LTK: variants seen among roughly 807,000 people sequenced by gnomAD.
The protein encoded by LTK is leukocyte receptor tyrosine kinase.
LTK carries 117 observed loss-of-function variants against 101.5 expected under a neutral mutation model. The observed-to-expected ratio is 1.15, with a 90% CI of 0.99 to 1.34. The LOEUF is 1.34. Ranked by LOEUF, LTK falls within the 40% of genes most tolerant of loss-of-function variation. LTK has a pLI of 0.00. For synonymous variants in LTK, 563 were observed against 494.2 expected, an observed-to-expected ratio of 1.14 and a Z score of -1.85; for missense variants, 1,252 against 1,164.7, an observed-to-expected ratio of 1.07 and a Z score of -1.09.
chr15:41,505,572 C>T (rs761058640), intron 13 of LTK, 42 bp from the exon 14 acceptor site: 86 of 1,611,616 alleles, frequency 5.3e-5, no homozygotes, highest in East Asian at 3.8e-4. Context: ...AGGAGGGAGA[C>T]GGAAACCATG....
rs545313639 is a variant in LTK at position 41,513,695 on chromosome 15, T to A, written c.15A>T (p.Gly5=). 1 of 1,612,772 alleles carries A rather than the reference T, an allele frequency of 6.2e-7. No homozygotes were observed. The highest frequency in any genetic ancestry group is 1.1e-5 in the South Asian group (1 of 91,032). Residue 5 remains glycine (G), a synonymous_variant, in exon 1 of 20, where the codon GGA becomes GGT. Coordinates refer to ENST00000263800, the MANE Select transcript of LTK (RefSeq NM_002344.6). ...CGGCTCCGAACCACACCAGCAGCTG[T>A]CCCCAGCAGCCCATCCCTGTTGGGT... MGCW[G]QLLVWFGAAG... is the part of the protein sequence containing the mutation.
At position 41,507,298 on chromosome 15, in the gene LTK, T is replaced by G. The variant is rs1595461779; in HGVS notation, c.1346-8A>C. 2 of 1,589,132 alleles carry G rather than the reference T, an allele frequency of 1.3e-6. No individual in the cohort carries two copies. The highest frequency in any genetic ancestry group is 1.7e-6 in the Non-Finnish European group (2 of 1,167,960). ...GCCACTTCTTCTGCTTCACTGGGGG[T>G]GGGAAGAATAACGGCACACCCTCCA... is the stretch of plus-strand genomic sequence containing the variant. On this transcript the variant is annotated splice_polypyrimidine_tract_variant and splice_region_variant and intron_variant, in intron 10 of 19. Transcript: ENST00000263800.
At chr15:41,509,198 G>A (rs746940209) in intron 7 of LTK, 69 bp from the exon 8 acceptor site, 81 of 941,494 alleles carry the variant, frequency 8.6e-5, no homozygotes, top group Non-Finnish European at 1.3e-4. Context: ...GGAATCTCCC[G>A]GTGGAAATCC....
chr15:41,513,625 G>A, intron 1 of LTK, 42 bp downstream of exon 1: 1 of 1,597,622 alleles, frequency 6.3e-7, no homozygotes, highest in Non-Finnish European at 8.6e-7. Context: ...CTAGGAAAGT[G>A]CCTCAGGCTG....
chr15:41,512,620 GTCGGTGCGCACGTGGACT>G, intron 3 of LTK, 69 bp downstream of exon 3: 1 of 1,412,578 alleles, frequency 7.1e-7, no homozygotes, highest in East Asian at 2.5e-5. Context: ...CAAGACGCAA[GTCGGTGCGCACGTGGACT>G]TCGTTACCCT....
At position 41,504,608 on chromosome 15, in the gene LTK, G is replaced by A. The variant is rs145702407; in HGVS notation, c.2153C>T (p.Ser718Leu). The A allele has an allele frequency of 1.9e-5, 31 of 1,613,628 alleles. No homozygotes were observed. The Admixed American group carries it at 2.8e-4, about 15-fold the overall frequency. ...SFGVLLWEIF[S>L]LGYMPYPGRT... ...CCCAGGATAGGGCATGTAGCCCAGT[G>A]AGAAGATCTCCCAGAGCAGCACCCC... The change falls in exon 18 of 20, where the codon TCA becomes TTA. Residue 718 changes from serine to leucine, a missense_variant. By Grantham distance (145) the Ser-to-Leu change is moderately radical (BLOSUM62 -2). Transcript: ENST00000263800.
In LTK at chr15:41,506,022, TGGAA is replaced by T. The variant is rs763128338; in HGVS notation, c.1542-21_1542-18del. 1 of 1,574,526 alleles carries T rather than the reference TGGAA, an allele frequency of 6.4e-7. No homozygotes were observed. Among genetic ancestry groups the T allele is most frequent in the Non-Finnish European group, 8.7e-7 (1 of 1,144,332 alleles). On this transcript the variant is annotated intron_variant, in intron 11 of 19. Transcript: ENST00000263800. ...CCCAGGGCTCTGCAGGAAGACACGTTGGAAGGGAGTGGGCAGGCGGCCTGGAGAA... is the reference window on the plus strand; with the variant it reads ...CCCAGGGCTCTGCAGGAAGACACGTTGGGAGTGGGCAGGCGGCCTGGAGAA...
In LTK at chr15:41,513,685, C is replaced by A; in HGVS notation, c.25G>T (p.Val9Leu). The A allele has an allele frequency of 1.7e-5, 28 of 1,612,790 alleles. No individual in the cohort carries two copies. The highest frequency in any genetic ancestry group is 2.4e-5 in the Non-Finnish European group (28 of 1,179,542). The change falls in exon 1 of 20, where the codon GTG (valine) becomes TTG (leucine). Residue 9 changes from valine to leucine, a missense_variant. Val to Leu is a conservative substitution (Grantham distance 32). Coordinates refer to ENST00000263800, the MANE Select transcript of LTK (RefSeq NM_002344.6). Reference protein sequence around the residue: MGCWGQLLVWFGAAGAILC... With the variant: MGCWGQLLLWFGAAGAILC... The stretch of plus-strand genomic sequence containing the variant: ...CACTTACCCGCGGCTCCGAACCACA[C>A]CAGCAGCTGTCCCCAGCAGCCCATC...
intron 12 of LTK, 29 bp from the exon 13 acceptor site, chr15:41,505,806 G>A (rs748489876): frequency 6.2e-7 from 1 of 1,612,102 alleles, no homozygotes. Flanking sequence ...CAGTTTCTGA[G>A]CTGCCCTGCA....
intron 3 of LTK, 90 bp from the exon 4 acceptor site, chr15:41,512,355 A>AT (rs1184259692): frequency 7.9e-7 from 1 of 1,267,770 alleles, no homozygotes; most frequent in African/African-American, 1.5e-5. Context: ...CTCCAGAATT[A>AT]TTTTTTATCT....
In LTK at chr15:41,505,382, G is replaced by T. The variant is rs764924618; in HGVS notation, c.1827+19C>A. On this transcript the variant is annotated intron_variant, in intron 14 of 19. Transcript: ENST00000263800. Reference sequence around the variant, plus strand: ...AGGGTCTTTAGAGGGGCCTGGGGGGGCTAAGACAAGGGTCTCACCAGGTGT... The same window carrying T: ...AGGGTCTTTAGAGGGGCCTGGGGGGTCTAAGACAAGGGTCTCACCAGGTGT... The T allele has an allele frequency of 6.2e-7, 1 of 1,613,610 alleles. No homozygotes were observed. Among genetic ancestry groups the T allele is most frequent in the Non-Finnish European group, 8.5e-7 (1 of 1,179,858 alleles).
chr15:41,506,019 CG>C lies in LTK; in HGVS notation c.1542-15del. 1 of 1,596,928 alleles carries C rather than the reference CG, an allele frequency of 6.3e-7. No individual in the cohort carries two copies. The highest frequency in any genetic ancestry group is 8.6e-7 in the Non-Finnish European group (1 of 1,164,816). Reference sequence around the variant, plus strand: ...TGGCCCAGGGCTCTGCAGGAAGACACGTTGGAAGGGAGTGGGCAGGCGGCCT... The same window carrying C: ...TGGCCCAGGGCTCTGCAGGAAGACACTTGGAAGGGAGTGGGCAGGCGGCCT... On this transcript the variant is annotated splice_polypyrimidine_tract_variant and intron_variant, in intron 11 of 19. Coordinates refer to ENST00000263800, the MANE Select transcript of LTK (RefSeq NM_002344.6).
In LTK at chr15:41,504,009, G is replaced by A. The variant is rs1169215595; in HGVS notation, c.2582C>T (p.Thr861Ile). Residue 861 changes from threonine to isoleucine, a missense_variant, in exon 20 of 20, where the codon ACT becomes ATT. Thr to Ile is a moderately conservative substitution (Grantham distance 89). Coordinates refer to ENST00000263800, the MANE Select transcript of LTK (RefSeq NM_002344.6). ...GCCCCTTGGGGCTCAGGAGCGATAA[G>A]TGGGATTCCAAAGGTTCTGAGGTTG... ...GLQPQNLWNP[T>I]YRS The A allele has an allele frequency of 1.2e-6, 2 of 1,605,918 alleles. No homozygotes were observed. Among genetic ancestry groups the A allele is most frequent in the African/African-American group, 2.7e-5 (2 of 74,404 alleles).
intron 11 of LTK, among the ~76,000 whole-genome samples, 189 bp from the exon 12 acceptor site, chr15:41,506,194 G>A (rs760536482): frequency 6.6e-6 from 1 of 152,234 alleles, no homozygotes; most frequent in Non-Finnish European, 1.5e-5. Context: ...TAGAGCCAGG[G>A]CAAAAAAGAG....
chr15:41,504,167 C>T lies in LTK; in HGVS notation c.2424G>A (p.Gly808=). ...TPEEEGTSGL[G]NRSLECLRPP... ...GTCTTAGGCACTCCAAAGATCTGTT[C>T]CCCAGCCCAGAAGTCCCTTCCTCCT... is the stretch of plus-strand genomic sequence containing the variant. Residue 808 remains glycine, a synonymous_variant, in exon 20 of 20, where the codon GGG becomes GGA. Coordinates refer to ENST00000263800, the MANE Select transcript of LTK (RefSeq NM_002344.6). 6.2e-7 allele frequency: 1 copy of T among 1,613,832 alleles called. No individual in the cohort carries two copies. The highest frequency in any genetic ancestry group is 8.5e-7 in the Non-Finnish European group (1 of 1,179,894).
At position 41,507,247 on chromosome 15, in the gene LTK, C is replaced by T. The variant is rs544250272; in HGVS notation, c.1389G>A (p.Pro463=). 133 of 1,608,792 alleles carry T rather than the reference C, an allele frequency of 8.3e-5. No individual in the cohort carries two copies. Among genetic ancestry groups the T allele is most frequent in the Admixed American group, 5.5e-4 (32 of 58,146 alleles). ...KWQGLQEMRL[P]SPELELSKLR... ...GCTTGCTCAGCTCAAGCTCAGGGCT[C>T]GGCAGCCTCATCTCCTGCAGGCCCT... is the stretch of plus-strand genomic sequence containing the variant. Residue 463 remains proline (P), a synonymous_variant, in exon 11 of 20, where the codon CCG becomes CCA. Coordinates refer to ENST00000263800, the MANE Select transcript of LTK (RefSeq NM_002344.6).
chr15:41,506,519 G>A (rs942675551), intron 11 of LTK, among the ~76,000 whole-genome samples: 1 of 152,032 alleles, frequency 6.6e-6, no homozygotes, highest in Admixed American at 6.6e-5. Flanking sequence ...TGGCCAGGCT[G>A]GTCTCGAACC....
chr15:41,512,408 G>T (rs942757088), intron 3 of LTK, 143 bp from the exon 4 acceptor site: 2 of 977,480 alleles, frequency 2.0e-6, no homozygotes, highest in Non-Finnish European at 3.0e-6. Flanking sequence ...GGATGGGAAG[G>T]GTAGGTTTGC....
intron 11 of LTK, 97 bp downstream of exon 11, chr15:41,506,998 A>G (rs1483032817): frequency 7.9e-7 from 1 of 1,270,520 alleles, no homozygotes; most frequent in Admixed American, 2.3e-5. Flanking sequence ...GATGTGGGCC[A>G]GATTTTTTCT....
Sources: allele counts gnomAD v4.1 joint callset (sites outside exome capture counted in the v4.1 genomes callset), GRCh38; gene constraint gnomAD v4.1.1; transcripts MANE v1.5; gene names NCBI Gene and HGNC (gene_info 2026-07-23, HGNC 2026-07-21).